Variants in NAV2 observed in about 807,000 individuals in gnomAD.
NAV2 encodes helicase, APC down-regulated 1.
NAV2 carries 54 observed loss-of-function variants against 223.2 expected under a neutral mutation model. The ratio of observed to expected loss-of-function variants is 0.24; its 90% CI spans 0.19 to 0.30. The LOEUF is 0.30. Ranked by LOEUF, NAV2 falls within the 10% of genes least tolerant of loss-of-function variation. The pLI is 1.00. For missense variants in NAV2, 2,806 were observed against 3,147.5 expected (o/e 0.89, Z 2.60); for synonymous variants, 1,279 against 1,239.3 (o/e 1.03, Z -0.67).
chr11:20,111,435 T>A (rs185063954), intron 36 of NAV2, among the ~76,000 whole-genome samples: 4 of 152,316 alleles, frequency 2.6e-5, no homozygotes, highest in African/African-American at 9.6e-5. Context: ...CCACAGTACT[T>A]ACCCAGCCAT....
At chr11:19,583,243 G>T (rs9667851) in intron 1 of NAV2, among the ~76,000 whole-genome samples, 131,210 of 152,154 alleles carry the variant, frequency 0.86, 59,322 homozygotes, top group Non-Finnish European at 1. Context: ...CTGAGACTTT[G>T]CTGAAGTTGC....
intron 1 of NAV2, among the ~76,000 whole-genome samples, chr11:19,633,838 A>G (rs1308775892): frequency 1.3e-5 from 2 of 152,192 alleles, no homozygotes; most frequent in Non-Finnish European, 2.9e-5. Context: ...TTGGATTCCA[A>G]GCTCTACTAC....
At chr11:19,361,395 A>T (rs1237285454) in intron 1 of NAV2, among the ~76,000 whole-genome samples, 1 of 152,084 alleles carries the variant, frequency 6.6e-6, no homozygotes, top group East Asian at 1.9e-4. Flanking sequence ...ACTGGGTGTC[A>T]CATCTTATCC....
intron 6 of NAV2, among the ~76,000 whole-genome samples, chr11:19,902,090 G>T (rs1191529805): frequency 6.6e-6 from 1 of 152,162 alleles, no homozygotes; most frequent in East Asian, 1.9e-4. Context: ...GTCCTGTTCA[G>T]AGGAAGGGCG....
At chr11:19,742,641 C>T (rs898837662) in intron 1 of NAV2, among the ~76,000 whole-genome samples, 14 of 152,116 alleles carry the variant, frequency 9.2e-5, no homozygotes, top group African/African-American at 3.1e-4. Context: ...GGGCTGGTTC[C>T]CCTGTACCAG....
intron 1 of NAV2, among the ~76,000 whole-genome samples, chr11:19,671,569 C>T (rs972180368): frequency 6.6e-6 from 1 of 152,208 alleles, no homozygotes; most frequent in Admixed American, 6.5e-5. Flanking sequence ...GACTGAACCC[C>T]ACTTGTCCCC....
At chr11:19,480,954 C>T (rs1023628863) in intron 1 of NAV2, among the ~76,000 whole-genome samples, 1 of 152,150 alleles carries the variant, frequency 6.6e-6, no homozygotes, top group Non-Finnish European at 1.5e-5. Context: ...GCAGATAGAG[C>T]CTGAAGGGGA....
At chr11:19,736,812 A>G (rs1565228536) in intron 1 of NAV2, among the ~76,000 whole-genome samples, 3 of 152,220 alleles carry the variant, frequency 2.0e-5, no homozygotes, top group Non-Finnish European at 4.4e-5. Context: ...GATTTCATCA[A>G]TATAAACATT....
chr11:19,695,146 C>A (rs1472123556), intron 1 of NAV2, among the ~76,000 whole-genome samples: 1 of 152,220 alleles, frequency 6.6e-6, no homozygotes, highest in Non-Finnish European at 1.5e-5. Context: ...TGCTCACTCC[C>A]CTGGCCAGGT....
At chr11:19,657,894 G>A (rs2048172161) in intron 1 of NAV2, among the ~76,000 whole-genome samples, 1 of 152,066 alleles carries the variant, frequency 6.6e-6, no homozygotes. Context: ...GGTATGGGGA[G>A]ATAAAGACTC....
chr11:19,472,013 G>T (rs77800379), intron 1 of NAV2, among the ~76,000 whole-genome samples: 10,666 of 152,258 alleles, frequency 0.07, 426 homozygotes, highest in Non-Finnish European at 0.08. Context: ...CTAACGGGTT[G>T]CTTTTAAACT....
At chr11:19,396,513 T>G (rs1417334433) in intron 1 of NAV2, among the ~76,000 whole-genome samples, 1 of 152,176 alleles carries the variant, frequency 6.6e-6, no homozygotes, top group African/African-American at 2.4e-5. Context: ...TGTCTGGGGC[T>G]CCCCTATGGC....
intron 1 of NAV2, among the ~76,000 whole-genome samples, chr11:19,707,745 C>T (rs1375663175): frequency 6.6e-6 from 1 of 152,176 alleles, no homozygotes; most frequent in East Asian, 1.9e-4. Flanking sequence ...AGGCACTGTA[C>T]ATGGTTGTGT....
At chr11:19,752,495 C>A (rs998357815) in intron 1 of NAV2, among the ~76,000 whole-genome samples, 2 of 152,052 alleles carry the variant, frequency 1.3e-5, no homozygotes, top group Non-Finnish European at 2.9e-5. Context: ...GCAATCCCAC[C>A]CCTGAGATAA....
intron 1 of NAV2, among the ~76,000 whole-genome samples, chr11:19,801,065 C>T (rs4757847): frequency 0.42 from 64,525 of 152,008 alleles, 14,315 homozygotes; most frequent in East Asian, 0.68. Context: ...TTTTAACCCC[C>T]GAAGTAACCT....
chr11:19,919,414 C>T (rs2044079181), intron 6 of NAV2, among the ~76,000 whole-genome samples: 1 of 152,020 alleles, frequency 6.6e-6, no homozygotes, highest in African/African-American at 2.4e-5. Flanking sequence ...GTCACCACTC[C>T]AGACAGTGAG....
Position 20,048,877 on chromosome 11 carries a change from G to A in NAV2, c.4052G>A (p.Ser1351Asn), listed in dbSNP as rs1768951606. 3 of 1,614,166 alleles carry A rather than the reference G, an allele frequency of 1.9e-6. No individual in the cohort carries two copies. Among genetic ancestry groups the A allele is most frequent in the Non-Finnish European group, 2.5e-6 (3 of 1,180,024 alleles). ...GGCAGTGGCGTCCTGAGCAGTGGGAGCAGCAGTCCTCTCTACAGCAAGAAT... is the reference window on the plus strand; with the variant it reads ...GGCAGTGGCGTCCTGAGCAGTGGGAACAGCAGTCCTCTCTACAGCAAGAAT... ...PSGSGVLSSG[S>N]SSPLYSKNVD... Residue 1351 changes from serine to asparagine, a missense_variant, in exon 15 of 38, where the codon AGC becomes AAC. Coordinates refer to ENST00000349880, the MANE Select transcript of NAV2 (RefSeq NM_145117.5).
chr11:19,555,243 A>T (rs1478538686), intron 1 of NAV2, among the ~76,000 whole-genome samples: 1 of 152,226 alleles, frequency 6.6e-6, no homozygotes, highest in African/African-American at 2.4e-5. Flanking sequence ...AACATGCACG[A>T]CAAAGGCCTC....
Position 19,933,896 on chromosome 11 carries a change from G to A in NAV2, c.1652G>A (p.Ser551Asn), listed in dbSNP as rs746453427. Residue 551 changes from serine to asparagine, a missense_variant, in exon 7 of 38, where the codon AGT becomes AAT. Transcript: ENST00000349880. This position sits in a 1 kb window ranked among gnomAD's most constrained non-coding sequence, Gnocchi z 4.3. ...ATCCCCAAAGGGGGGAAGCTCAACA[G>A]TGCCAAGAAGGAGCCCATGGCCCCT... ...SFIPKGGKLN[S>N]AKKEPMAPSH... 2 of 1,589,634 alleles carry A rather than the reference G, an allele frequency of 1.3e-6. No individual in the cohort carries two copies. The highest frequency in any genetic ancestry group is 1.1e-5 in the South Asian group (1 of 87,574).
Sources: allele counts gnomAD v4.1 joint callset (sites outside exome capture counted in the v4.1 genomes callset), GRCh38; gene constraint gnomAD v4.1.1; non-coding constraint Gnocchi (gnomAD v3.1); transcripts MANE v1.5; gene names NCBI Gene and HGNC (gene_info 2026-07-23, HGNC 2026-07-21).